LYST: variants seen among roughly 807,000 people sequenced by gnomAD.
The protein encoded by LYST is lysosomal trafficking regulator.
A neutral mutation model predicts 413.6 loss-of-function variants in LYST; 192 were observed. The ratio of observed to expected loss-of-function variants is 0.46; its 90% CI spans 0.41 to 0.52. The LOEUF is 0.52. Ranked by LOEUF, LYST falls within the 20% of genes least tolerant of loss-of-function variation. LYST has a pLI of 0.00. For synonymous variants in LYST, 1,525 were observed against 1,567.3 expected, an observed-to-expected ratio of 0.97 and a Z score of 0.64; for missense variants, 3,815 against 4,499.9, an observed-to-expected ratio of 0.85 and a Z score of 4.35.
Position 235,792,192 on chromosome 1 carries a change from T to C in LYST, c.4117-67A>G, listed in dbSNP as rs549063314. ...ATAAAGTACATAATAATCTTGAAAT[T>C]TAGGTTATAAATGAAAATACAAACA... On this transcript the variant is annotated intron_variant, in intron 11 of 52. Transcript: ENST00000389793. The C allele has an allele frequency of 1.4e-4, 145 of 1,063,678 alleles. No individual in the cohort carries two copies. In the Admixed American group the frequency reaches 1.6e-3, roughly 12 times the overall value. The allele number at this position is 1,063,678 out of a possible 1,614,324, so 65.9% of individuals were successfully genotyped here.
intron 45 of LYST, among the ~76,000 whole-genome samples, chr1:235,698,350 C>T (rs1572022399): frequency 6.6e-6 from 1 of 152,120 alleles, no homozygotes; most frequent in Non-Finnish European, 1.5e-5. Context: ...TTAAAAAAAT[C>T]GTGCCACTTT....
At chr1:235,789,047 T>C (rs750242808) in intron 12 of LYST, among the ~76,000 whole-genome samples, 3 of 152,194 alleles carry the variant, frequency 2.0e-5, no homozygotes, top group Non-Finnish European at 2.9e-5. Flanking sequence ...TGAAAAATGG[T>C]AATTCAGTAC....
intron 38 of LYST, among the ~76,000 whole-genome samples, chr1:235,725,695 G>A (rs1663807553): frequency 6.6e-6 from 1 of 152,076 alleles, no homozygotes; most frequent in Admixed American, 6.5e-5. Context: ...GAACTAATGG[G>A]GCATTCCTGC....
chr1:235,846,271 C>T (rs1298759674), intron 1 of LYST, among the ~76,000 whole-genome samples: 1 of 152,042 alleles, frequency 6.6e-6, no homozygotes, highest in African/African-American at 2.4e-5. Context: ...AGAAGAGAGA[C>T]AACAATCACT....
chr1:235,811,132 G>A (rs560537584), intron 4 of LYST, among the ~76,000 whole-genome samples: 1 of 152,178 alleles, frequency 6.6e-6, no homozygotes, highest in African/African-American at 2.4e-5. Flanking sequence ...GTGACAGAGT[G>A]AGACTCTGTC....
At chr1:235,755,701 T>C (rs547160541) in intron 24 of LYST, 54 bp from the exon 25 acceptor site, 3 of 914,104 alleles carry the variant, frequency 3.3e-6, no homozygotes, top group African/African-American at 1.7e-5. Context: ...AAATATAATA[T>C]ATACAAATCA....
chr1:235,852,829 C>G (rs1678697870), intron 1 of LYST, among the ~76,000 whole-genome samples: 1 of 152,144 alleles, frequency 6.6e-6, no homozygotes, highest in Non-Finnish European at 1.5e-5. Flanking sequence ...AGGCAGACAG[C>G]AGTTAAGAGA....
rs1393846979 is a variant in LYST at position 235,854,559 on chromosome 1, C to T, written c.-98+12284G>A. On this transcript the variant is annotated intron_variant, in intron 1 of 52. Coordinates refer to ENST00000389793, the MANE Select transcript of LYST (RefSeq NM_000081.4). The surrounding 1 kb of genome is among the most constrained non-coding windows in gnomAD (Gnocchi z 4.1). ...CTGGTTCACCTCTGCATCTGCTGCT[C>T]TATGACCTTGGGTACTCGACTTCCT... Among the ~76,000 whole-genome samples the T allele has an allele frequency of 6.6e-6, 1 of 152,148 alleles. No homozygotes were observed. Among genetic ancestry groups the T allele is most frequent in the Non-Finnish European group, 1.5e-5 (1 of 68,022 alleles).
At position 235,678,880 on chromosome 1, in the gene LYST, A is replaced by T. The variant is rs16832797; in HGVS notation, c.10801-1261T>A. On this transcript the variant is annotated intron_variant, in intron 48 of 52. Coordinates refer to ENST00000389793, the MANE Select transcript of LYST (RefSeq NM_000081.4). Reference sequence around the variant, plus strand: ...TTGTATTTCATGTTTATGAATTCTGAATATATGGTATTATTTTTTAGGTAT... The same window carrying T: ...TTGTATTTCATGTTTATGAATTCTGTATATATGGTATTATTTTTTAGGTAT... Among the ~76,000 whole-genome samples the T allele has an allele frequency of 9.3e-3, 1,411 of 152,190 alleles. 25 individuals are homozygous for T. Among genetic ancestry groups the T allele is most frequent in the African/African-American group, 0.032 (1,323 of 41,522 alleles).
chr1:235,798,805 T>A (rs1470233180), intron 10 of LYST, among the ~76,000 whole-genome samples: 1 of 152,064 alleles, frequency 6.6e-6, no homozygotes, highest in Non-Finnish European at 1.5e-5. Flanking sequence ...GATGAGTGAT[T>A]GCCAGGGGCA....
intron 48 of LYST, among the ~76,000 whole-genome samples, chr1:235,680,580 A>G (rs905203836): frequency 1.3e-5 from 2 of 151,702 alleles, no homozygotes; most frequent in South Asian, 2.1e-4. Context: ...GATATTTCTA[A>G]TAAGGACACA....
rs1558138946 is a variant in LYST at position 235,709,430 on chromosome 1, G to GTATAAA, written c.9926-123_9926-122insTTTATA. 8.1e-6 allele frequency: 6 copies of GTATAAA among 737,440 alleles called. No homozygotes were observed. In the African/African-American group the frequency reaches 1.4e-4, roughly 18 times the overall value. The allele number at this position is 737,440 out of a possible 1,614,324, so 45.7% of individuals were successfully genotyped here. A position where few individuals can be genotyped will look rare whatever the true frequency, so the allele number is the denominator to read the frequency against. The stretch of plus-strand genomic sequence containing the variant: ...TGTGCTACAACCAAAAAAGGGAATA[G>GTATAAA]CAAGGAGGATTTACATTTTGAATAA... On this transcript the variant is annotated intron_variant, in intron 43 of 52. Coordinates refer to ENST00000389793, the MANE Select transcript of LYST (RefSeq NM_000081.4).
intron 44 of LYST, among the ~76,000 whole-genome samples, chr1:235,707,294 T>C (rs1572039904): frequency 6.6e-6 from 1 of 152,162 alleles, no homozygotes; most frequent in Admixed American, 6.5e-5. Context: ...AGATTTTTTT[T>C]TTCTAAAGTT....
chr1:235,681,106 C>CCA (rs1421452731), intron 48 of LYST, among the ~76,000 whole-genome samples: 4 of 151,986 alleles, frequency 2.6e-5, no homozygotes, highest in Non-Finnish European at 2.9e-5. Flanking sequence ...CTCCGGGGAC[C>CCA]CACAGATAAG....
chr1:235,753,065 G>T lies in LYST; in HGVS notation c.7439C>A (p.Ala2480Asp), dbSNP rs147094885. 1.7e-5 allele frequency: 26 copies of T among 1,562,042 alleles called. No individual in the cohort carries two copies. The African/African-American group carries it at 2.4e-4, about 15-fold the overall frequency. The part of the protein sequence containing the change: ...LLYVLCNTVA[A>D]LNGLEKNIPM... ...TTACTTCTTTTCTAATCCATTCAGG[G>T]CTGCTACTGTATTACATAACACATA... The change falls in exon 26 of 53, where the codon GCC (alanine) becomes GAC (aspartate). Residue 2480 changes from alanine (A) to aspartate (D), a missense_variant. Ala to Asp is a moderately radical substitution (Grantham distance 126). Around this residue, in one of 4 missense-constraint regions of LYST, gnomAD observed 771 missense variants for 837.1 expected, o/e 0.92. Coordinates refer to ENST00000389793, the MANE Select transcript of LYST (RefSeq NM_000081.4).
intron 50 of LYST, among the ~76,000 whole-genome samples, chr1:235,675,484 C>T (rs1242273514): frequency 6.6e-6 from 1 of 152,172 alleles, no homozygotes; most frequent in Non-Finnish European, 1.5e-5. Context: ...ACGCAGGCAG[C>T]ACCTTTCTGC....
intron 28 of LYST, among the ~76,000 whole-genome samples, chr1:235,747,808 C>G (rs991895903): frequency 6.6e-6 from 1 of 152,174 alleles, no homozygotes; most frequent in Non-Finnish European, 1.5e-5. Flanking sequence ...CTAGTGTGGC[C>G]TTAAGCACAT....
At chr1:235,782,139 C>T in intron 14 of LYST, 52 bp from the exon 15 acceptor site, 2 of 1,432,990 alleles carry the variant, frequency 1.4e-6, no homozygotes, top group Non-Finnish European at 1.9e-6. Flanking sequence ...AAGTCTAGTA[C>T]TAAGTATTTT....
rs1481953123 is a variant in LYST, at chr1:235,810,145, T to C, written c.673A>G (p.Arg225Gly). ...PPDAMALENS[R>G]EIIPRQGSNT... ...GACCCCTGTCTTGGAATAATCTCTCTGGAATTTTCCAAAGCCATAGCATCT... is the reference window on the plus strand; with the variant it reads ...GACCCCTGTCTTGGAATAATCTCTCCGGAATTTTCCAAAGCCATAGCATCT... The change falls in exon 5 of 53, where the codon AGA becomes GGA. Residue 225 changes from arginine (R) to glycine (G), a missense_variant. Arg to Gly is a moderately radical substitution (Grantham distance 125, BLOSUM62 -2). Around this residue, in one of 4 missense-constraint regions of LYST, gnomAD observed 1,648 missense variants for 1,810.3 expected, o/e 0.91. Coordinates refer to ENST00000389793, the MANE Select transcript of LYST (RefSeq NM_000081.4). The C allele has an allele frequency of 6.2e-7, 1 of 1,614,208 alleles. No homozygotes were observed. The highest frequency in any genetic ancestry group is 1.7e-5 in the Admixed American group (1 of 60,022).
Sources: allele counts gnomAD v4.1 joint callset (sites outside exome capture counted in the v4.1 genomes callset), GRCh38; gene constraint gnomAD v4.1.1; regional missense constraint gnomAD v4.1.1; non-coding constraint Gnocchi (gnomAD v3.1); transcripts MANE v1.5; gene names NCBI Gene and HGNC (gene_info 2026-07-23, HGNC 2026-07-21).